The following PPP3CA variants were observed in gnomAD, a reference collection of about 807,000 sequenced individuals.
PPP3CA encodes the protein CAM-PRP catalytic subunit.
In PPP3CA, 14 loss-of-function variants were observed where a neutral mutation model predicts 66.5. The ratio of observed to expected loss-of-function variants is 0.21; its 90% CI spans 0.14 to 0.33. The LOEUF is 0.33. Ranked by LOEUF, PPP3CA falls within the 10% of genes least tolerant of loss-of-function variation. The pLI, the probability that PPP3CA is intolerant of heterozygous loss-of-function variation, is 1.00. For synonymous variants in PPP3CA, 232 were observed against 226.2 expected (o/e 1.03, Z -0.23); for missense variants, 317 against 639.5 (o/e 0.50, Z 5.44).
chr4:101,227,857 T>TCCAGCTCCA (rs1341698712), intron 1 of PPP3CA, among the ~76,000 whole-genome samples: 1 of 151,800 alleles, frequency 6.6e-6, no homozygotes, highest in Non-Finnish European at 1.5e-5. Flanking sequence ...GATAATGTTC[T>TCCAGCTCCA]CCAGCTCCAT....
At chr4:101,067,310 T>C (rs919482494) in intron 8 of PPP3CA, among the ~76,000 whole-genome samples, 17 of 152,102 alleles carry the variant, frequency 1.1e-4, no homozygotes, top group Admixed American at 2.6e-4. Context: ...GTAAAAGATG[T>C]AAAATTAGTA....
intron 10 of PPP3CA, among the ~76,000 whole-genome samples, chr4:101,058,637 G>A (rs1378976692): frequency 1.3e-5 from 2 of 152,158 alleles, no homozygotes; most frequent in African/African-American, 2.4e-5. Flanking sequence ...AATTGGTGGT[G>A]AGCACAGCAC....
chr4:101,028,013 A>C (rs577127489), intron 13 of PPP3CA, among the ~76,000 whole-genome samples: 54 of 152,336 alleles, frequency 3.5e-4, no homozygotes, highest in Middle Eastern at 3.4e-3. Context: ...AGAGGAATAG[A>C]GAATTCCCAC....
chr4:101,304,355 C>T (rs1428272095), intron 1 of PPP3CA, among the ~76,000 whole-genome samples: 1 of 152,100 alleles, frequency 6.6e-6, no homozygotes, highest in Admixed American at 6.6e-5. Flanking sequence ...GTCATTTCTT[C>T]ATTTCAGTAA....
chr4:101,055,080 A>T (rs77927873), intron 10 of PPP3CA, among the ~76,000 whole-genome samples: 9,679 of 152,098 alleles, frequency 0.064, 353 homozygotes, highest in African/African-American at 0.093. Context: ...TGTATTATTT[A>T]AAAAAGTGAT....
At chr4:101,188,581 A>G (rs539522384) in intron 2 of PPP3CA, among the ~76,000 whole-genome samples, 1 of 152,250 alleles carries the variant, frequency 6.6e-6, no homozygotes, top group African/African-American at 2.4e-5. Context: ...TATCTCTTTT[A>G]GATATGGATT....
At position 101,094,025 on chromosome 4, in the gene PPP3CA, A is replaced by C. The variant is rs538490134; in HGVS notation, c.643-110T>G. 3.0e-6 allele frequency: 3 copies of C among 1,009,192 alleles called. No homozygotes were observed. In the East Asian group the frequency reaches 8.7e-5, roughly 29 times the overall value. 62.5% of individuals were successfully genotyped at this position (1,009,192 alleles called of 1,614,324 possible). ...AACCCATCCTCTTCTCCCCAGCTAC[A>C]GCTCAGGGTGAAATGTCCTCTACCT... On this transcript the variant is annotated intron_variant, in intron 5 of 13. Coordinates refer to ENST00000394854, the MANE Select transcript of PPP3CA (RefSeq NM_000944.5).
At chr4:101,177,292 T>A (rs1356406884) in intron 2 of PPP3CA, among the ~76,000 whole-genome samples, 1 of 152,122 alleles carries the variant, frequency 6.6e-6, no homozygotes, top group African/African-American at 2.4e-5. Context: ...TTTGAAGTCA[T>A]GTAACATATA....
intron 1 of PPP3CA, among the ~76,000 whole-genome samples, chr4:101,285,693 G>A (rs916435379): frequency 4.3e-5 from 6 of 141,004 alleles, no homozygotes; most frequent in Non-Finnish European, 4.6e-5. Context: ...CCTATCTCAG[G>A]GAAACACCTC....
intron 6 of PPP3CA, 110 bp from the exon 7 acceptor site, chr4:101,083,373 A>C: frequency 2.1e-6 from 2 of 960,576 alleles, no homozygotes; most frequent in Non-Finnish European, 3.2e-6. Flanking sequence ...AATCAAACAT[A>C]CATCATTCAT....
chr4:101,214,245 G>A (rs1018819746), intron 1 of PPP3CA, among the ~76,000 whole-genome samples: 4 of 151,772 alleles, frequency 2.6e-5, no homozygotes, highest in Non-Finnish European at 4.4e-5. Flanking sequence ...TACCTACCAG[G>A]ACTGGACAGT....
intron 2 of PPP3CA, among the ~76,000 whole-genome samples, chr4:101,154,767 T>C (rs1359126574): frequency 1.3e-5 from 2 of 151,656 alleles, no homozygotes; most frequent in African/African-American, 4.8e-5. Flanking sequence ...GCATGGAATT[T>C]AGCAAATGTA....
intron 1 of PPP3CA, among the ~76,000 whole-genome samples, chr4:101,206,731 T>C (rs773146388): frequency 8.5e-5 from 13 of 152,200 alleles, no homozygotes; most frequent in Non-Finnish European, 1.3e-4. Flanking sequence ...TAAGAAAGGA[T>C]TGTCTTTTCC....
chr4:101,025,772 G>C lies in PPP3CA; in HGVS notation c.*93C>G. ...GCAAATAAGCTACTGTCAGAGGCAAGAACATCCAACTGCTGATATGCAGCA... is the reference window on the plus strand; with the variant it reads ...GCAAATAAGCTACTGTCAGAGGCAACAACATCCAACTGCTGATATGCAGCA... On this transcript the variant is annotated 3_prime_UTR_variant, in exon 14 of 14. Coordinates refer to ENST00000394854, the MANE Select transcript of PPP3CA (RefSeq NM_000944.5). The C allele has an allele frequency of 9.6e-7, 1 of 1,043,882 alleles. No homozygotes were observed. Among genetic ancestry groups the C allele is most frequent in the Non-Finnish European group, 1.3e-6 (1 of 763,274 alleles). The allele number at this position is 1,043,882 out of a possible 1,614,324, so 64.7% of individuals were successfully genotyped here.
intron 2 of PPP3CA, among the ~76,000 whole-genome samples, chr4:101,117,640 CCAATATATAATTA>C (rs1455470921): frequency 6.6e-4 from 100 of 151,228 alleles, no homozygotes; most frequent in East Asian, 1.2e-3. Flanking sequence ...GGTTGTGGTG[CCAATATATAATTA>C]CAATATATAA....
chr4:101,273,576 C>T (rs997740361), intron 1 of PPP3CA, among the ~76,000 whole-genome samples: 4 of 152,184 alleles, frequency 2.6e-5, no homozygotes, highest in Non-Finnish European at 2.9e-5. Context: ...CTGCCCACCT[C>T]GGCCTCCCAA....
Position 101,039,172 on chromosome 4 carries a change from T to C in PPP3CA, c.1241+1310A>G, listed in dbSNP as rs187413878. ...GTCCTCAAAACTGCCAGTTTTGTCTTTACTTAAGTATCTTTGCACTTGCTA... is the reference window on the plus strand; with the variant it reads ...GTCCTCAAAACTGCCAGTTTTGTCTCTACTTAAGTATCTTTGCACTTGCTA... On this transcript the variant is annotated intron_variant, in intron 11 of 13. Transcript: ENST00000394854. Among the ~76,000 whole-genome samples, 494 of 144,996 alleles carry C rather than the reference T, an allele frequency of 3.4e-3. 46 individuals are homozygous for C. Among genetic ancestry groups the C allele is most frequent in the African/African-American group, 0.011 (454 of 39,836 alleles).
At chr4:101,214,688 T>G (rs1401568716) in intron 1 of PPP3CA, among the ~76,000 whole-genome samples, 1 of 152,124 alleles carries the variant, frequency 6.6e-6, no homozygotes, top group Non-Finnish European at 1.5e-5. Context: ...CAAGCCAATG[T>G]GTTCTAAGGA....
At chr4:101,096,093 G>A (rs1307276248) in intron 5 of PPP3CA, among the ~76,000 whole-genome samples, 1 of 152,044 alleles carries the variant, frequency 6.6e-6, no homozygotes, top group African/African-American at 2.4e-5. Flanking sequence ...CAGGAAACAA[G>A]GTTTATTTAT....
Sources: allele counts gnomAD v4.1 joint callset (sites outside exome capture counted in the v4.1 genomes callset), GRCh38; gene constraint gnomAD v4.1.1; transcripts MANE v1.5; gene names NCBI Gene and HGNC (gene_info 2026-07-23, HGNC 2026-07-21).